Variants in GALNT10 observed in about 807,000 individuals in gnomAD.
The protein encoded by GALNT10 is GalNAc transferase 10.
GALNT10 carries 41 observed loss-of-function variants against 75.0 expected under a neutral mutation model. The ratio of observed to expected loss-of-function variants is 0.55; its 90% CI spans 0.43 to 0.71. The LOEUF (loss-of-function observed/expected upper bound fraction) is 0.71, where lower values mean the gene tolerates loss of function less well. GALNT10 is among the 30% of genes least tolerant of loss of function. GALNT10 has a pLI of 0.00. For missense variants in GALNT10, 727 were observed against 818.5 expected (o/e 0.89, Z 1.36); for synonymous variants, 302 against 313.0 (o/e 0.96, Z 0.37).
At chr5:154,275,912 A>G (rs1753944421) in intron 1 of GALNT10, among the ~76,000 whole-genome samples, 1 of 152,220 alleles carries the variant, frequency 6.6e-6, no homozygotes, top group Non-Finnish European at 1.5e-5. Flanking sequence ...GAGGATGGAA[A>G]TTCCATCTCT....
intron 4 of GALNT10, among the ~76,000 whole-genome samples, chr5:154,373,464 A>T (rs528298480): frequency 2.0e-5 from 3 of 152,142 alleles, no homozygotes; most frequent in African/African-American, 7.2e-5. Flanking sequence ...ATCATTTATA[A>T]ACTATGTTCC....
At position 154,262,195 on chromosome 5, in the gene GALNT10, T is replaced by C. The variant is rs151199029; in HGVS notation, c.160-32621T>C. On this transcript the variant is annotated intron_variant, in intron 1 of 11. Transcript: ENST00000297107. ...AACATTTAAAGAAATCTCATGTGCA[T>C]TCCTTTCTCCCGCATTGTAGATTAG... 4.0e-3 allele frequency among the ~76,000 whole-genome samples: 612 copies of C among 152,302 alleles called. 3 individuals carry two copies. The highest frequency in any genetic ancestry group is 0.014 in the African/African-American group (594 of 41,564).
chr5:154,253,372 TC>T, intron 1 of GALNT10, among the ~76,000 whole-genome samples: 1 of 114,766 alleles, frequency 8.7e-6, no homozygotes, highest in Non-Finnish European at 1.7e-5. Flanking sequence ...AAGGGGAACA[TC>T]ACACACCGGG....
Position 154,376,178 on chromosome 5 carries a change from G to C in GALNT10, c.569-99G>C, listed in dbSNP as rs1217941463. The C allele has an allele frequency of 2.6e-6, 2 of 783,866 alleles. No individual in the cohort carries two copies. Among genetic ancestry groups the C allele is most frequent in the Non-Finnish European group, 4.4e-6 (2 of 453,876 alleles). The allele number at this position is 783,866 out of a possible 1,614,324, so 48.6% of individuals were successfully genotyped here. On this transcript the variant is annotated intron_variant, in intron 4 of 11. Transcript: ENST00000297107. The surrounding 1 kb of genome is among the most constrained non-coding windows in gnomAD (Gnocchi z 4.1). ...TAGTGAGGCAGTGTACAGGAAAGCT[G>C]TGTCTAGACTGTGAAGTGCAGTTCA...
intron 1 of GALNT10, among the ~76,000 whole-genome samples, chr5:154,195,095 G>T (rs1056004199): frequency 6.6e-6 from 1 of 152,232 alleles, no homozygotes; most frequent in Non-Finnish European, 1.5e-5. Flanking sequence ...AACGGAATCA[G>T]GAATGAAAAG....
intron 2 of GALNT10, among the ~76,000 whole-genome samples, chr5:154,296,437 G>T (rs1038980794): frequency 6.6e-6 from 1 of 152,138 alleles, no homozygotes; most frequent in Non-Finnish European, 1.5e-5. Context: ...GGGAAGAGCT[G>T]ATTTGCCAGA....
chr5:154,282,966 A>G (rs1219689400), intron 1 of GALNT10, among the ~76,000 whole-genome samples: 3 of 152,148 alleles, frequency 2.0e-5, no homozygotes, highest in Non-Finnish European at 4.4e-5. Flanking sequence ...AAGGTCCCAT[A>G]TCAGGGGCAG....
chr5:154,262,086 TA>T (rs1753706980), intron 1 of GALNT10, among the ~76,000 whole-genome samples: 1 of 152,238 alleles, frequency 6.6e-6, no homozygotes, highest in African/African-American at 2.4e-5. Flanking sequence ...TAGCTCTTCC[TA>T]AATTTTCCTT....
intron 4 of GALNT10, among the ~76,000 whole-genome samples, chr5:154,355,134 G>A (rs1452723858): frequency 6.6e-6 from 1 of 152,160 alleles, no homozygotes; most frequent in African/African-American, 2.4e-5. Flanking sequence ...GATGAGGGGT[G>A]GATGCTGCTG....
intron 1 of GALNT10, among the ~76,000 whole-genome samples, chr5:154,208,585 T>C (rs1775145343): frequency 6.6e-6 from 1 of 152,198 alleles, no homozygotes; most frequent in African/African-American, 2.4e-5. Flanking sequence ...ACACTTGGAA[T>C]AGTGCCCGGC....
intron 1 of GALNT10, among the ~76,000 whole-genome samples, chr5:154,200,417 G>A (rs115190579): frequency 2.0e-5 from 3 of 152,314 alleles, no homozygotes; most frequent in Admixed American, 2.0e-4. Flanking sequence ...GGGTTTCTTC[G>A]AGGGAACAGG....
At chr5:154,364,163 T>C (rs1755439314) in intron 4 of GALNT10, among the ~76,000 whole-genome samples, 1 of 152,106 alleles carries the variant, frequency 6.6e-6, no homozygotes, top group Non-Finnish European at 1.5e-5. Context: ...AGCTGACAGA[T>C]TTGCAAGAGT....
chr5:154,408,697 A>G (rs1756333562), intron 8 of GALNT10, among the ~76,000 whole-genome samples: 1 of 152,050 alleles, frequency 6.6e-6, no homozygotes, highest in South Asian at 2.1e-4. Flanking sequence ...CAACCTTTGC[A>G]CCTCAAAGGA....
chr5:154,380,225 A>G (rs187407894), intron 5 of GALNT10, among the ~76,000 whole-genome samples: 19 of 152,172 alleles, frequency 1.2e-4, no homozygotes, highest in Non-Finnish European at 2.2e-4. Context: ...GGGTTTGGAG[A>G]TATTATTTGT....
At chr5:154,191,320 T>G (rs773384550) in intron 1 of GALNT10, among the ~76,000 whole-genome samples, 3 of 152,118 alleles carry the variant, frequency 2.0e-5, no homozygotes, top group African/African-American at 2.4e-5. Flanking sequence ...GGATCTCTTT[T>G]GAAGGATCCT....
At chr5:154,309,005 A>C (rs1411519744) in intron 3 of GALNT10, among the ~76,000 whole-genome samples, 1 of 152,174 alleles carries the variant, frequency 6.6e-6, no homozygotes, top group African/African-American at 2.4e-5. Flanking sequence ...CAAACAAATA[A>C]ATGGATTGAT....
At chr5:154,279,652 C>G (rs1754008754) in intron 1 of GALNT10, among the ~76,000 whole-genome samples, 1 of 152,022 alleles carries the variant, frequency 6.6e-6, no homozygotes, top group Admixed American at 6.6e-5. Context: ...GTGTACTTGA[C>G]TCACTGCAGC....
chr5:154,328,329 C>T (rs547594582), intron 3 of GALNT10, among the ~76,000 whole-genome samples: 7 of 152,194 alleles, frequency 4.6e-5, no homozygotes, highest in African/African-American at 1.4e-4. Context: ...CTAAGCTTAC[C>T]GTGGGGCTGG....
chr5:154,329,873 T>C lies in GALNT10; in HGVS notation c.568+135T>C, dbSNP rs1754819289. The C allele has an allele frequency of 1.1e-5, 6 of 525,380 alleles. No homozygotes were observed. In the Admixed American group the frequency reaches 1.9e-4, roughly 17 times the overall value. The allele number at this position is 525,380 out of a possible 1,614,324, so 32.5% of individuals were successfully genotyped here. The stretch of plus-strand genomic sequence containing the variant: ...GGCTAAATGCCTGGACGTTGCACTG[T>C]GCACACATTTTCTCATTTAATCTTC... On this transcript the variant is annotated intron_variant, in intron 4 of 11. Transcript: ENST00000297107.
Sources: allele counts gnomAD v4.1 joint callset (sites outside exome capture counted in the v4.1 genomes callset), GRCh38; gene constraint gnomAD v4.1.1; non-coding constraint Gnocchi (gnomAD v3.1); transcripts MANE v1.5; gene names NCBI Gene and HGNC (gene_info 2026-07-23, HGNC 2026-07-21).